The following TENM1 variants were observed in gnomAD, a reference collection of about 807,000 sequenced individuals.
TENM1 encodes the protein teneurin-1.
TENM1 carries 35 observed loss-of-function variants against 174.8 expected under a neutral mutation model. The observed-to-expected ratio is 0.20, with a 90% CI of 0.15 to 0.27. TENM1 has a LOEUF of 0.27. Ranked by LOEUF, TENM1 falls within the 10% of genes least tolerant of loss-of-function variation. The pLI, the probability that TENM1 is intolerant of heterozygous loss-of-function variation, is 1.00. For synonymous variants in TENM1, 781 were observed against 798.7 expected, an observed-to-expected ratio of 0.98 and a Z score of 0.37; for missense variants, 1,633 against 2,130.1, an observed-to-expected ratio of 0.77 and a Z score of 4.59.
chrX:124,724,191 T>C lies in TENM1; in HGVS notation c.776+12766A>G, dbSNP rs181943872. Among the ~76,000 whole-genome samples, 673 of 111,966 alleles carry C rather than the reference T, an allele frequency of 6.0e-3. 8 individuals carry two copies. The highest frequency in any genetic ancestry group is 0.019 in the African/African-American group (600 of 30,800). ...AAATAATATGCACTGTCTGCTTCCA[T>C]TAACTTCTGTTCCTGATTTCAGAAA... is the stretch of plus-strand genomic sequence containing the variant. On this transcript the variant is annotated intron_variant, in intron 4 of 31. Transcript: ENST00000422452.
At chrX:124,847,320 G>T (rs1237672488) in intron 3 of TENM1, among the ~76,000 whole-genome samples, 2 of 111,750 alleles carry the variant, frequency 1.8e-5, no homozygotes, top group African/African-American at 6.5e-5. Flanking sequence ...CTAAACGTAA[G>T]AAATAATATA....
intron 3 of TENM1, among the ~76,000 whole-genome samples, chrX:124,809,726 G>A (rs1208456904): frequency 9.2e-6 from 1 of 109,054 alleles, no homozygotes; most frequent in Non-Finnish European, 1.9e-5. Flanking sequence ...AATTTATAAA[G>A]TAAAGAGGCT....
intron 23 of TENM1, 33 bp downstream of exon 26, chrX:124,453,304 T>C (rs749243134): frequency 2.6e-6 from 3 of 1,164,601 alleles, no homozygotes; most frequent in Non-Finnish European, 3.4e-6. Context: ...TGATGCCAAA[T>C]GACAATAATA....
intron 4 of TENM1, among the ~76,000 whole-genome samples, chrX:124,712,780 C>G (rs768330298): frequency 2.9e-4 from 33 of 112,004 alleles, no homozygotes; most frequent in Admixed American, 1.5e-3. Context: ...CCGCACCCGC[C>G]CTTGAACATC....
intron 1 of TENM1, among the ~76,000 whole-genome samples, chrX:124,927,369 T>C (rs1359215779): frequency 9.0e-6 from 1 of 111,470 alleles, no homozygotes; most frequent in Non-Finnish European, 1.9e-5. Context: ...AACTAGCCTG[T>C]CCTGGGCCCT....
At chrX:125,010,593 T>C in the TENM1 span, among the ~76,000 whole-genome samples, 2 of 107,843 alleles carry the variant, frequency 1.9e-5, no homozygotes, top group Non-Finnish European at 3.8e-5. Context: ...GACGGGCGGA[T>C]CATGAGGTCA....
chrX:124,851,385 T>C (rs780634254), intron 3 of TENM1, among the ~76,000 whole-genome samples: 6 of 111,817 alleles, frequency 5.4e-5, no homozygotes, highest in Non-Finnish European at 9.4e-5. Context: ...ATTAGAAAAC[T>C]TTCAGTTTAG....
At chrX:124,886,381 A>G (rs887795499) in intron 3 of TENM1, among the ~76,000 whole-genome samples, 2 of 109,901 alleles carry the variant, frequency 1.8e-5, no homozygotes, top group African/African-American at 6.6e-5. Context: ...ATATGTATGT[A>G]TTATATATTA....
chrX:124,471,904 T>C (rs1362142955), intron 22 of TENM1, among the ~76,000 whole-genome samples: 4 of 105,770 alleles, frequency 3.8e-5, no homozygotes, highest in South Asian at 8.0e-4. Flanking sequence ...ATCTTCCTTA[T>C]ACCTGCAGGG....
intron 15 of TENM1, among the ~76,000 whole-genome samples, chrX:124,538,602 C>T (rs1423186620): frequency 9.0e-6 from 1 of 111,286 alleles, no homozygotes; most frequent in East Asian, 2.8e-4. Context: ...TTTCATGTTC[C>T]TAGATTAAAA....
the TENM1 span, among the ~76,000 whole-genome samples, chrX:125,060,175 TCTCTCTCACA>T: frequency 1.2e-5 from 1 of 82,749 alleles, no homozygotes; most frequent in Non-Finnish European, 2.1e-5. Context: ...TCTCTCTCTC[TCTCTCTCACA>T]CACACACACA....
chrX:124,980,054 T>C, the TENM1 span, among the ~76,000 whole-genome samples: 3 of 111,807 alleles, frequency 2.7e-5, no homozygotes, highest in Non-Finnish European at 5.6e-5. Flanking sequence ...ATGGATGAAA[T>C]TATATCTTGG....
At chrX:124,937,764 A>T (rs1260250765) in intron 1 of TENM1, among the ~76,000 whole-genome samples, 2 of 112,019 alleles carry the variant, frequency 1.8e-5, no homozygotes, top group Non-Finnish European at 3.8e-5. Context: ...TGCAAGGTAC[A>T]TAAATAATTT....
chrX:124,775,176 T>C (rs2054752011), intron 3 of TENM1, among the ~76,000 whole-genome samples: 2 of 109,537 alleles, frequency 1.8e-5, no homozygotes, highest in Non-Finnish European at 3.8e-5. Flanking sequence ...TGTGGTGGCG[T>C]GCACCTGTAA....
chrX:124,420,968 T>A, intron 24 of TENM1, 147 bp from the exon 28 acceptor site: 2 of 526,593 alleles, frequency 3.8e-6, no homozygotes, highest in Admixed American at 3.9e-5. Context: ...CTGAAAAATA[T>A]GAAGCCTATT....
intron 10 of TENM1, among the ~76,000 whole-genome samples, chrX:124,643,468 C>A (rs1308914595): frequency 9.0e-6 from 1 of 111,402 alleles, no homozygotes; most frequent in Non-Finnish European, 1.9e-5. Flanking sequence ...CACCACGTAG[C>A]AATGTGGGCC....
chrX:124,884,852 C>T (rs909673912), intron 3 of TENM1, among the ~76,000 whole-genome samples: 2 of 111,443 alleles, frequency 1.8e-5, no homozygotes, highest in Non-Finnish European at 3.8e-5. Flanking sequence ...AGAAATGTGT[C>T]GTTAGGGGAT....
chrX:124,706,946 CTTT>C (rs1190388752), intron 4 of TENM1, among the ~76,000 whole-genome samples: 2 of 87,998 alleles, frequency 2.3e-5, no homozygotes, highest in Non-Finnish European at 2.2e-5. Context: ...AGTCCTTAAT[CTTT>C]TTTTTTTTTT....
chrX:124,524,510 G>A (rs1188197597), intron 16 of TENM1, among the ~76,000 whole-genome samples: 9 of 111,665 alleles, frequency 8.1e-5, no homozygotes, highest in Non-Finnish European at 1.5e-4. Context: ...AGCTATGCCC[G>A]ACCAAGCCTT....
Sources: gnomAD v4.1 joint callset for allele counts (sites outside exome capture counted in the v4.1 genomes callset) on GRCh38, gnomAD v4.1.1 for gene constraint, MANE v1.5 for transcripts, NCBI Gene and HGNC (gene_info 2026-07-23, HGNC 2026-07-21) for gene names.